ERBB4: variants seen among roughly 807,000 people sequenced by gnomAD.
ERBB4 encodes erb-b2 receptor tyrosine kinase 4, also known as receptor tyrosine-protein kinase erbB-4.
A neutral mutation model predicts 158.0 loss-of-function variants in ERBB4; 42 were observed. The ratio of observed to expected loss-of-function variants is 0.27; its 90% CI spans 0.21 to 0.34. ERBB4 has a LOEUF of 0.34. ERBB4 is among the 10% of genes least tolerant of loss of function. The probability of loss-of-function intolerance (pLI) is 1.00; values close to 1 mark genes in which losing one functional copy is unlikely to be tolerated. For missense variants in ERBB4, 1,333 were observed against 1,624.1 expected (o/e 0.82, Z 3.08); for synonymous variants, 583 against 558.7 (o/e 1.04, Z -0.61).
Position 211,382,285 on chromosome 2 carries a change from G to A in ERBB4, c.*1330C>T, listed in dbSNP as rs1205499251. ...TCGCATTCCTTCTTACGAAGTATAC[G>A]AACTGAACAAATTTCCTTGCGTAGC... On this transcript the variant is annotated 3_prime_UTR_variant, in exon 28 of 28. Coordinates refer to ENST00000342788, the MANE Select transcript of ERBB4 (RefSeq NM_005235.3). The A allele has an allele frequency of 3.4e-5, 8 of 231,886 alleles. No individual in the cohort carries two copies. Among genetic ancestry groups the A allele is most frequent in the East Asian group, 3.0e-4 (5 of 16,440 alleles). 14.4% of individuals were successfully genotyped at this position (231,886 alleles called of 1,614,324 possible).
rs1217232571 is a variant in ERBB4, at chr2:212,446,581, ATATATATATG to A, written c.82+91858_82+91867del. On this transcript the variant is annotated intron_variant, in intron 1 of 27. Transcript: ENST00000342788. ...AAGTTAATACTTAATAAACTCCCAT[ATATATATATG>A]TATATATATATATATATATATATAT... Among the ~76,000 whole-genome samples the A allele has an allele frequency of 7.7e-3, 190 of 24,652 alleles. 19 individuals carry two copies. Among genetic ancestry groups the A allele is most frequent in the African/African-American group, 0.039 (61 of 1,560 alleles). The allele number at this position is 24,652 out of a possible 152,430, so 16.2% of individuals were successfully genotyped here.
chr2:211,989,123 A>G (rs536185114), intron 2 of ERBB4, among the ~76,000 whole-genome samples: 24 of 152,110 alleles, frequency 1.6e-4, no homozygotes, highest in African/African-American at 5.8e-4. Flanking sequence ...AATGACAACA[A>G]TTAGAAGAAG....
intron 22 of ERBB4, among the ~76,000 whole-genome samples, chr2:211,426,501 A>G (rs957789544): frequency 2.0e-5 from 3 of 152,278 alleles, no homozygotes; most frequent in East Asian, 3.9e-4. Flanking sequence ...GTGTTTCAAA[A>G]CAGAGTACTA....
chr2:212,352,860 C>T (rs1377337184), intron 1 of ERBB4, among the ~76,000 whole-genome samples: 1 of 151,952 alleles, frequency 6.6e-6, no homozygotes, highest in Non-Finnish European at 1.5e-5. Context: ...AAGAGCAAAA[C>T]TCTGTCTCAA....
chr2:212,288,504 G>A (rs74610317), intron 1 of ERBB4, among the ~76,000 whole-genome samples: 1,984 of 152,202 alleles, frequency 0.013, 44 homozygotes, highest in African/African-American at 0.045. Flanking sequence ...GGAGCCTCAG[G>A]AAGTTCACGC....
At chr2:211,632,478 T>C (rs933372529) in intron 16 of ERBB4, among the ~76,000 whole-genome samples, 2 of 152,198 alleles carry the variant, frequency 1.3e-5, no homozygotes, top group South Asian at 4.1e-4. Flanking sequence ...ATTTCGTTAA[T>C]TGTAGATTCA....
chr2:211,927,859 T>A (rs775835113), intron 3 of ERBB4, among the ~76,000 whole-genome samples: 1 of 152,098 alleles, frequency 6.6e-6, no homozygotes, highest in Non-Finnish European at 1.5e-5. Flanking sequence ...TTAATTAGCA[T>A]AGCAAATGGC....
At chr2:212,348,541 G>A (rs890665092) in intron 1 of ERBB4, among the ~76,000 whole-genome samples, 3 of 152,092 alleles carry the variant, frequency 2.0e-5, no homozygotes, top group African/African-American at 4.8e-5. Context: ...GTAACACATC[G>A]TCACATTCTG....
At chr2:211,652,424 G>A (rs552485084) in intron 16 of ERBB4, among the ~76,000 whole-genome samples, 36 of 152,202 alleles carry the variant, frequency 2.4e-4, no homozygotes, top group Non-Finnish European at 3.5e-4. Flanking sequence ...CTAAGGTAAC[G>A]ATCTATGGAT....
intron 1 of ERBB4, among the ~76,000 whole-genome samples, chr2:212,535,978 C>G (rs1326820278): frequency 6.6e-6 from 1 of 152,188 alleles, no homozygotes; most frequent in African/African-American, 2.4e-5. Flanking sequence ...CCAAGCGTGT[C>G]TAATAATGCG....
chr2:212,416,652 A>G (rs2091660921), intron 1 of ERBB4, among the ~76,000 whole-genome samples: 2 of 152,164 alleles, frequency 1.3e-5, no homozygotes, highest in South Asian at 4.1e-4. Context: ...TGAAACACCA[A>G]GTTCAACCCT....
chr2:212,376,953 A>G (rs1262283369), intron 1 of ERBB4, among the ~76,000 whole-genome samples: 2 of 151,926 alleles, frequency 1.3e-5, no homozygotes, highest in African/African-American at 4.8e-5. Context: ...CATTGTCTTT[A>G]TTTCATCTGT....
intron 1 of ERBB4, among the ~76,000 whole-genome samples, chr2:212,404,494 C>T (rs1169828188): frequency 6.6e-6 from 1 of 151,948 alleles, no homozygotes; most frequent in Non-Finnish European, 1.5e-5. Flanking sequence ...AACCTCTGTC[C>T]TTATGACACT....
At chr2:211,637,390 A>G (rs1318048636) in intron 16 of ERBB4, among the ~76,000 whole-genome samples, 4 of 151,948 alleles carry the variant, frequency 2.6e-5, no homozygotes, top group Non-Finnish European at 5.9e-5. Context: ...ATTTAAACAT[A>G]GCAAAAGGTC....
intron 20 of ERBB4, among the ~76,000 whole-genome samples, chr2:211,439,011 T>TAAGCATGTGTGTGTGC: frequency 6.6e-6 from 1 of 151,254 alleles, no homozygotes; most frequent in African/African-American, 2.5e-5. Context: ...TGTGTGTGTG[T>TAAGCATGTGTGTGTGC]GTGTAAGCAT....
rs1438044228 is a variant in ERBB4 at position 211,672,706 on chromosome 2, TTA to T, written c.1716+456_1716+457del. ...CATGAACTTTTACATTTGCATATGTTTATATGTTTCTTCTTTCCAGATTATTC... is the reference window on the plus strand; with the variant it reads ...CATGAACTTTTACATTTGCATATGTTTATGTTTCTTCTTTCCAGATTATTC... On this transcript the variant is annotated intron_variant, in intron 14 of 27. Coordinates refer to ENST00000342788, the MANE Select transcript of ERBB4 (RefSeq NM_005235.3). Among the ~76,000 whole-genome samples the T allele has an allele frequency of 3.3e-5, 5 of 152,310 alleles. No individual in the cohort carries two copies. The South Asian group carries it at 6.2e-4, about 19-fold the overall frequency.
At chr2:211,848,098 A>G (rs80134874) in intron 3 of ERBB4, among the ~76,000 whole-genome samples, 3,328 of 152,158 alleles carry the variant, frequency 0.022, 57 homozygotes, top group Middle Eastern at 0.048. Flanking sequence ...TGTATCCTCT[A>G]TTTAATTTCC....
chr2:211,579,559 C>G (rs1279107300), intron 19 of ERBB4, among the ~76,000 whole-genome samples: 1 of 152,082 alleles, frequency 6.6e-6, no homozygotes, highest in Non-Finnish European at 1.5e-5. Context: ...AAATGCCTAT[C>G]AATGATAGAC....
At chr2:212,253,616 G>C (rs1306397863) in intron 1 of ERBB4, among the ~76,000 whole-genome samples, 1 of 152,136 alleles carries the variant, frequency 6.6e-6, no homozygotes, top group Non-Finnish European at 1.5e-5. Context: ...CATGCAGCTG[G>C]TTAGCAGAAC....
Sources: allele counts gnomAD v4.1 joint callset (sites outside exome capture counted in the v4.1 genomes callset), GRCh38; gene constraint gnomAD v4.1.1; transcripts MANE v1.5; gene names NCBI Gene and HGNC (gene_info 2026-07-23, HGNC 2026-07-21).